MSRA: variants seen among roughly 807,000 people sequenced by gnomAD.
The protein encoded by MSRA is methionine sulfoxide reductase A.
In MSRA, 54 loss-of-function variants were observed where a neutral mutation model predicts 31.3. The observed-to-expected ratio is 1.73, with a 90% confidence interval of 1.39 to 2.17. The LOEUF is 2.17. Ranked by LOEUF, MSRA falls within the 30% of genes most tolerant of loss-of-function variation. The probability of loss-of-function intolerance (pLI) is 0.00; values close to 1 mark genes in which losing one functional copy is unlikely to be tolerated. For synonymous variants in MSRA, 169 were observed against 116.5 expected (o/e 1.45, Z -2.90); for missense variants, 507 against 300.9 (o/e 1.69, Z -5.07).
intron 4 of MSRA, among the ~76,000 whole-genome samples, chr8:10,319,292 T>C (rs540833230): frequency 1.3e-5 from 2 of 152,170 alleles, no homozygotes; most frequent in African/African-American, 4.8e-5. Context: ...TCTGGGGCAC[T>C]GTCACACTCA....
intron 1 of MSRA, among the ~76,000 whole-genome samples, chr8:10,088,566 C>G (rs1408262460): frequency 6.6e-6 from 1 of 152,146 alleles, no homozygotes; most frequent in Non-Finnish European, 1.5e-5. Flanking sequence ...GAAACCCCAT[C>G]TCTACTAAAC....
intron 5 of MSRA, chr8:10,337,514 CTG>C (rs1482150389): frequency 2.5e-5 from 14 of 571,312 alleles, no homozygotes; most frequent in African/African-American, 2.1e-4. Flanking sequence ...TCCAAAAAGA[CTG>C]TGTGCTACTA....
At chr8:10,194,569 C>A (rs1424442480) in intron 1 of MSRA, among the ~76,000 whole-genome samples, 6 of 152,092 alleles carry the variant, frequency 3.9e-5, no homozygotes, top group South Asian at 2.1e-4. Flanking sequence ...AGGAAAAAAA[C>A]CAAAAAACAA....
At chr8:10,371,614 G>C (rs1805481747) in intron 5 of MSRA, among the ~76,000 whole-genome samples, 2 of 152,124 alleles carry the variant, frequency 1.3e-5, no homozygotes, top group South Asian at 4.1e-4. Flanking sequence ...AGCATGGCAT[G>C]CAAGGCTGTA....
chr8:10,385,012 A>G, intron 5 of MSRA, among the ~76,000 whole-genome samples: 1 of 152,178 alleles, frequency 6.6e-6, no homozygotes, highest in Non-Finnish European at 1.5e-5. Flanking sequence ...CGAAAAAAAA[A>G]GGAAAAATAA....
chr8:10,225,262 T>A (rs1259059827), intron 2 of MSRA, among the ~76,000 whole-genome samples: 1 of 152,244 alleles, frequency 6.6e-6, no homozygotes, highest in Admixed American at 6.5e-5. Flanking sequence ...CTACTCTTCC[T>A]TGAAGTCTCT....
chr8:10,369,715 T>G (rs1304476768), intron 5 of MSRA, among the ~76,000 whole-genome samples: 1 of 152,200 alleles, frequency 6.6e-6, no homozygotes, highest in Non-Finnish European at 1.5e-5. Context: ...TAATAGTCAT[T>G]CTATTTGTGC....
chr8:10,359,032 C>G (rs1037125768), intron 5 of MSRA, among the ~76,000 whole-genome samples: 1 of 152,196 alleles, frequency 6.6e-6, no homozygotes, highest in East Asian at 1.9e-4. Flanking sequence ...CCCCCCATCC[C>G]GATCCCCACC....
At chr8:10,112,515 T>C (rs1213566625) in intron 1 of MSRA, among the ~76,000 whole-genome samples, 1 of 152,136 alleles carries the variant, frequency 6.6e-6, no homozygotes, top group African/African-American at 2.4e-5. Flanking sequence ...TTAAACAATA[T>C]AAAGAAATAA....
chr8:10,164,448 T>G (rs896391404), intron 1 of MSRA, among the ~76,000 whole-genome samples: 1 of 152,176 alleles, frequency 6.6e-6, no homozygotes, highest in Admixed American at 6.5e-5. Flanking sequence ...GTTAGCTTCC[T>G]GAGCTTTTTA....
At chr8:10,349,976 G>C (rs1194082675) in intron 5 of MSRA, among the ~76,000 whole-genome samples, 1 of 152,256 alleles carries the variant, frequency 6.6e-6, no homozygotes, top group Non-Finnish European at 1.5e-5. Flanking sequence ...TTGCCTTCCA[G>C]CTACCGCTGA....
At chr8:10,087,600 T>A (rs981512479) in intron 1 of MSRA, among the ~76,000 whole-genome samples, 1 of 152,226 alleles carries the variant, frequency 6.6e-6, no homozygotes, top group Non-Finnish European at 1.5e-5. Context: ...CTCATTTGTC[T>A]TCCATTTTCT....
intron 1 of MSRA, among the ~76,000 whole-genome samples, chr8:10,083,447 C>G (rs1798389981): frequency 6.6e-6 from 1 of 152,168 alleles, no homozygotes; most frequent in South Asian, 2.1e-4. Flanking sequence ...ATATAATTTA[C>G]TCACAATGAT....
intron 1 of MSRA, among the ~76,000 whole-genome samples, chr8:10,059,502 G>T (rs886622341): frequency 1.3e-5 from 2 of 152,130 alleles, no homozygotes; most frequent in Non-Finnish European, 2.9e-5. Flanking sequence ...TTCCATTTAG[G>T]TTATTGTTAA....
At chr8:10,169,741 A>G (rs903135294) in intron 1 of MSRA, among the ~76,000 whole-genome samples, 3 of 152,186 alleles carry the variant, frequency 2.0e-5, no homozygotes, top group African/African-American at 7.2e-5. Flanking sequence ...ATACCTTAAA[A>G]ACTGAAAAAT....
chr8:10,368,585 T>C (rs189437435), intron 5 of MSRA, among the ~76,000 whole-genome samples: 1 of 152,342 alleles, frequency 6.6e-6, no homozygotes, highest in East Asian at 1.9e-4. Context: ...AAGGAATCTC[T>C]AGATGCAAGT....
chr8:10,261,558 AT>A (rs1360160107), intron 3 of MSRA, among the ~76,000 whole-genome samples: 1 of 152,002 alleles, frequency 6.6e-6, no homozygotes, highest in Non-Finnish European at 1.5e-5. Flanking sequence ...AAGGACTTTA[AT>A]TTTTAGAGCA....
At position 10,247,549 on chromosome 8, in the gene MSRA, A is replaced by T. The variant is rs183425397; in HGVS notation, c.331+2326A>T. On this transcript the variant is annotated intron_variant, in intron 3 of 5. Transcript: ENST00000317173. Reference sequence around the variant, plus strand: ...CTTATGTTTAGAAGGAAAAAGGGCCAAGCCAGTTCATGCAAACAGCTGGTA... The same window carrying T: ...CTTATGTTTAGAAGGAAAAAGGGCCTAGCCAGTTCATGCAAACAGCTGGTA... Among the ~76,000 whole-genome samples, 116 of 152,326 alleles carry T rather than the reference A, an allele frequency of 7.6e-4. No individual in the cohort carries two copies. The Middle Eastern group carries it at 0.01, about 13-fold the overall frequency.
intron 2 of MSRA, among the ~76,000 whole-genome samples, chr8:10,235,901 A>C (rs1186416694): frequency 6.6e-6 from 1 of 152,194 alleles, no homozygotes; most frequent in African/African-American, 2.4e-5. Context: ...TAAATGACAA[A>C]ATCTGAAATA....
Sources: gnomAD v4.1 joint callset for allele counts (sites outside exome capture counted in the v4.1 genomes callset) on GRCh38, gnomAD v4.1.1 for gene constraint, MANE v1.5 for transcripts, NCBI Gene and HGNC (gene_info 2026-07-23, HGNC 2026-07-21) for gene names.